MAPK4: variants seen among roughly 807,000 people sequenced by gnomAD.
MAPK4 encodes mitogen-activated protein kinase 4, also known as Erk3-related.
Under a neutral mutation model 47.7 loss-of-function variants are expected in MAPK4, and 22 were observed. That is an observed-to-expected ratio of 0.46 (90% CI 0.33 to 0.66). The LOEUF (loss-of-function observed/expected upper bound fraction) is 0.66. Ranked by LOEUF, MAPK4 falls within the 30% of genes least tolerant of loss-of-function variation. The pLI is 0.02. For missense variants in MAPK4, 736 were observed against 831.7 expected, an observed-to-expected ratio of 0.88 and a Z score of 1.42; for synonymous variants, 390 against 365.7, an observed-to-expected ratio of 1.07 and a Z score of -0.76.
At chr18:50,667,160 A>C (rs116212760) in intron 2 of MAPK4, among the ~76,000 whole-genome samples, 29 of 151,952 alleles carry the variant, frequency 1.9e-4, no homozygotes, top group African/African-American at 7.0e-4. Context: ...ATCTTCTAAG[A>C]CTCATCACTC....
At chr18:50,666,391 T>C (rs892583550) in intron 2 of MAPK4, among the ~76,000 whole-genome samples, 1 of 152,212 alleles carries the variant, frequency 6.6e-6, no homozygotes, top group Admixed American at 6.5e-5. Flanking sequence ...CTCCTCTGGC[T>C]TATGGTTAAG....
chr18:50,636,086 C>T (rs922037421), intron 1 of MAPK4, among the ~76,000 whole-genome samples: 1 of 152,182 alleles, frequency 6.6e-6, no homozygotes, highest in Non-Finnish European at 1.5e-5. Flanking sequence ...CTTTGCACAC[C>T]CATTTCCTTC....
chr18:50,632,368 G>T (rs1418198179), intron 1 of MAPK4, among the ~76,000 whole-genome samples: 1 of 152,144 alleles, frequency 6.6e-6, no homozygotes, highest in African/African-American at 2.4e-5. Flanking sequence ...GATTTGCAAA[G>T]TTCTTTTGTG....
intron 1 of MAPK4, among the ~76,000 whole-genome samples, chr18:50,614,677 G>C (rs545150186): frequency 6.6e-6 from 1 of 152,088 alleles, no homozygotes; most frequent in Non-Finnish European, 1.5e-5. Context: ...CATGTCACAC[G>C]TATTATCTCT....
At chr18:50,588,567 G>GTTTA (rs1380518777) in intron 1 of MAPK4, among the ~76,000 whole-genome samples, 1 of 151,934 alleles carries the variant, frequency 6.6e-6, no homozygotes, top group African/African-American at 2.4e-5. Context: ...TTGTTTGTTT[G>GTTTA]TTTGTTTGAG....
intron 1 of MAPK4, among the ~76,000 whole-genome samples, chr18:50,657,390 A>T (rs1372409877): frequency 3.3e-5 from 5 of 152,160 alleles, no homozygotes; most frequent in Admixed American, 3.3e-4. Context: ...TTGGGATCAG[A>T]GTTGTTAAAC....
intron 1 of MAPK4, among the ~76,000 whole-genome samples, chr18:50,564,665 C>T (rs752495211): frequency 6.6e-6 from 1 of 151,964 alleles, no homozygotes; most frequent in Non-Finnish European, 1.5e-5. Flanking sequence ...TTTTTTCAGA[C>T]CTGATATCCT....
At chr18:50,581,830 A>G (rs1319452994) in intron 1 of MAPK4, among the ~76,000 whole-genome samples, 1 of 152,194 alleles carries the variant, frequency 6.6e-6, no homozygotes, top group Admixed American at 6.5e-5. Flanking sequence ...GGGACCTAGG[A>G]AAGTTACATG....
intron 2 of MAPK4, among the ~76,000 whole-genome samples, chr18:50,676,442 A>T (rs191805572): frequency 6.6e-6 from 1 of 152,174 alleles, no homozygotes; most frequent in Admixed American, 6.5e-5. Flanking sequence ...TTTTTACCCA[A>T]ATTTTTTCAT....
chr18:50,567,636 T>C (rs1183781735), intron 1 of MAPK4, among the ~76,000 whole-genome samples: 5 of 152,202 alleles, frequency 3.3e-5, no homozygotes, highest in Non-Finnish European at 4.4e-5. Context: ...TTGTAATTAC[T>C]TATGTGACAA....
At chr18:50,620,584 A>G (rs1206425672) in intron 1 of MAPK4, among the ~76,000 whole-genome samples, 3 of 152,130 alleles carry the variant, frequency 2.0e-5, no homozygotes, top group Non-Finnish European at 4.4e-5. Context: ...TATGAAAACC[A>G]TCATATCTTC....
intron 3 of MAPK4, among the ~76,000 whole-genome samples, chr18:50,719,666 CTCCAGCTGCCCT>C (rs1254498363): frequency 6.6e-6 from 1 of 152,208 alleles, no homozygotes; most frequent in East Asian, 1.9e-4. Context: ...CAGGGCTGTG[CTCCAGCTGCCCT>C]TCCAACAGGC....
intron 1 of MAPK4, among the ~76,000 whole-genome samples, chr18:50,570,113 G>A (rs2042236953): frequency 6.6e-6 from 1 of 152,222 alleles, no homozygotes; most frequent in African/African-American, 2.4e-5. Flanking sequence ...GACCCAGTCA[G>A]ATCATCTTAG....
intron 2 of MAPK4, among the ~76,000 whole-genome samples, chr18:50,695,848 TCTC>T (rs1162771312): frequency 6.6e-6 from 1 of 152,138 alleles, no homozygotes; most frequent in Non-Finnish European, 1.5e-5. Flanking sequence ...GCTGGGAGCT[TCTC>T]CTACATTTTC....
intron 1 of MAPK4, among the ~76,000 whole-genome samples, chr18:50,635,008 G>A (rs552207799): frequency 1.3e-5 from 2 of 152,294 alleles, no homozygotes; most frequent in Admixed American, 6.5e-5. Flanking sequence ...GAAGGATCCT[G>A]GCATCCATAT....
intron 1 of MAPK4, among the ~76,000 whole-genome samples, chr18:50,605,173 T>C (rs1448183967): frequency 6.6e-6 from 1 of 152,228 alleles, no homozygotes. Flanking sequence ...AAGTGACTTA[T>C]GTAAAGTCAC....
intron 1 of MAPK4, among the ~76,000 whole-genome samples, chr18:50,635,680 C>T (rs2042879291): frequency 6.6e-6 from 1 of 152,176 alleles, no homozygotes; most frequent in Non-Finnish European, 1.5e-5. Flanking sequence ...TTCACTAGGC[C>T]CTGGTCCATA....
At chr18:50,720,141 G>A (rs1910858196) in intron 3 of MAPK4, among the ~76,000 whole-genome samples, 1 of 152,164 alleles carries the variant, frequency 6.6e-6, no homozygotes, top group Non-Finnish European at 1.5e-5. Context: ...TGGTGGCTTA[G>A]TAGACTCAGT....
At chr18:50,621,049 G>T (rs1233501564) in intron 1 of MAPK4, among the ~76,000 whole-genome samples, 7 of 152,190 alleles carry the variant, frequency 4.6e-5, no homozygotes, top group Non-Finnish European at 8.8e-5. Flanking sequence ...CTACATTACT[G>T]GGCACTGTGC....
Sources: allele counts gnomAD v4.1 joint callset (sites outside exome capture counted in the v4.1 genomes callset), GRCh38; gene constraint gnomAD v4.1.1; transcripts MANE v1.5; gene names NCBI Gene and HGNC (gene_info 2026-07-23, HGNC 2026-07-21).